Variants in ZNF420 observed in about 807,000 individuals in gnomAD.
ZNF420 encodes the protein zinc finger protein 420, also known as ATM and p53-associated KZNF protein.
A neutral mutation model predicts 44.7 loss-of-function variants in ZNF420; 31 were observed. The ratio of observed to expected loss-of-function variants is 0.69; its 90% confidence interval spans 0.52 to 0.94. The LOEUF (loss-of-function observed/expected upper bound fraction) is 0.94. Among genes scored for constraint, ZNF420 ranks in the 40% least tolerant of loss-of-function variants. ZNF420 has a pLI of 0.00. For synonymous variants in ZNF420, 245 were observed against 267.4 expected (o/e 0.92, Z 0.82); for missense variants, 681 against 827.9 (o/e 0.82, Z 2.18).
At chr19:37,080,797 C>CT (rs1468515214) in intron 2 of ZNF420, among the ~76,000 whole-genome samples, 1 of 151,940 alleles carries the variant, frequency 6.6e-6, no homozygotes, top group East Asian at 1.9e-4. Context: ...TGGCTCATGC[C>CT]TATAATCCCA....
At chr19:37,077,986 G>C (rs1968203599), upstream of ZNF420, 1 of 152,816 alleles carries the variant, frequency 6.5e-6, no homozygotes, top group Non-Finnish European at 1.5e-5. Flanking sequence ...AGTCCACCTG[G>C]CATCTCCCAT....
At chr19:37,043,447 G>T (rs7245453) in intron 1 of ZNF420, among the ~76,000 whole-genome samples, 76,384 of 152,050 alleles carry the variant, frequency 0.5, 19,818 homozygotes, top group African/African-American at 0.58. Context: ...CTAAATTCCT[G>T]TTAAACAGGT....
intron 1 of ZNF420, among the ~76,000 whole-genome samples, chr19:37,030,143 T>G (rs1055584431): frequency 3.3e-5 from 5 of 152,088 alleles, no homozygotes; most frequent in African/African-American, 4.8e-5. Context: ...ATCACTGTGG[T>G]TCTCTGTTTT....
At chr19:37,086,850 GCTT>G (rs1568446449) in intron 2 of ZNF420, among the ~76,000 whole-genome samples, 1 of 152,112 alleles carries the variant, frequency 6.6e-6, no homozygotes, top group Non-Finnish European at 1.5e-5. Flanking sequence ...TTTAAAATGT[GCTT>G]CTTGTAAAGA....
chr19:37,056,495 T>C (rs955673562), intron 1 of ZNF420, among the ~76,000 whole-genome samples: 3 of 152,194 alleles, frequency 2.0e-5, no homozygotes, highest in Admixed American at 6.5e-5. Context: ...CTGTCCCTGT[T>C]TGCACTTGTC....
intron 4 of ZNF420, among the ~76,000 whole-genome samples, chr19:37,121,609 G>A (rs1599721173): frequency 6.6e-6 from 1 of 152,152 alleles, no homozygotes; most frequent in Non-Finnish European, 1.5e-5. Context: ...GGCAACAAAA[G>A]CCAAAACTGA....
rs73041142 is a variant in ZNF420 at position 37,081,329 on chromosome 19, T to C, written c.-81+941T>C. Among the ~76,000 whole-genome samples the C allele has an allele frequency of 2.5e-3, 379 of 152,272 alleles. 4 individuals are homozygous for C. The highest frequency in any genetic ancestry group is 4.8e-3 in the Non-Finnish European group (326 of 68,016). On this transcript the variant is annotated intron_variant, in intron 2 of 4. Coordinates refer to ENST00000337995, the MANE Select transcript of ZNF420 (RefSeq NM_144689.5). ...TGACCCAGAATTTGATGCATCTTAGTAAATGTTCCATGTGCACTTGAAAAG... is the reference window on the plus strand; with the variant it reads ...TGACCCAGAATTTGATGCATCTTAGCAAATGTTCCATGTGCACTTGAAAAG...
At chr19:37,026,117 C>T (rs1472876264) in intron 1 of ZNF420, among the ~76,000 whole-genome samples, 5 of 151,598 alleles carry the variant, frequency 3.3e-5, no homozygotes, top group Admixed American at 6.6e-5. Context: ...AGTTCAAGAG[C>T]AGCCTGATCA....
In ZNF420 at chr19:37,129,641, A is replaced by G. The variant is rs773772707; in HGVS notation, c.*583A>G. 6 of 157,922 alleles carry G rather than the reference A, an allele frequency of 3.8e-5. No individual in the cohort carries two copies. Among genetic ancestry groups the G allele is most frequent in the Non-Finnish European group, 6.9e-5 (5 of 72,190 alleles). The allele number at this position is 157,922 out of a possible 1,614,324, so 9.8% of individuals were successfully genotyped here. ...TTGGTTGGGGGGCACTGTATGCCAT[A>G]ATGAATGTGAGAAAGCTGTCATTTA... On this transcript the variant is annotated 3_prime_UTR_variant, in exon 5 of 5. Transcript: ENST00000337995.
At chr19:37,110,980 G>A (rs541110472) in intron 4 of ZNF420, among the ~76,000 whole-genome samples, 3 of 152,184 alleles carry the variant, frequency 2.0e-5, no homozygotes, top group Admixed American at 1.3e-4. Context: ...TGTCTAACTT[G>A]TTCCTTGGTT....
At chr19:37,051,159 C>G (rs1369420161) in intron 1 of ZNF420, among the ~76,000 whole-genome samples, 1 of 152,188 alleles carries the variant, frequency 6.6e-6, no homozygotes, top group African/African-American at 2.4e-5. Flanking sequence ...CGATGTTCAT[C>G]AGGAATATTG....
intron 1 of ZNF420, among the ~76,000 whole-genome samples, chr19:37,060,631 A>G (rs1309380638): frequency 6.6e-6 from 1 of 151,830 alleles, no homozygotes; most frequent in African/African-American, 2.4e-5. Context: ...GGTAGGTTTG[A>G]TGATCCTGGA....
intron 1 of ZNF420, among the ~76,000 whole-genome samples, chr19:37,028,227 G>A (rs1967188818): frequency 6.6e-6 from 1 of 152,178 alleles, no homozygotes; most frequent in African/African-American, 2.4e-5. Context: ...ATATAGCAAA[G>A]GGCAGATACA....
chr19:37,023,259 A>G (rs1162313322), intron 1 of ZNF420, among the ~76,000 whole-genome samples: 2 of 152,262 alleles, frequency 1.3e-5, no homozygotes, highest in Non-Finnish European at 2.9e-5. Context: ...TTACATACAA[A>G]GTATAAAGAG....
chr19:37,047,113 C>T (rs1009344314), intron 1 of ZNF420, among the ~76,000 whole-genome samples: 1 of 152,092 alleles, frequency 6.6e-6, no homozygotes, highest in African/African-American at 2.4e-5. Flanking sequence ...TATGATTTAT[C>T]CAATTTTGTG....
intron 2 of ZNF420, among the ~76,000 whole-genome samples, chr19:37,082,692 C>T (rs191773251): frequency 3.3e-5 from 5 of 152,224 alleles, no homozygotes; most frequent in South Asian, 2.1e-4. Flanking sequence ...AACATAAAGT[C>T]CTGTTGGAGT....
At chr19:37,029,333 A>T (rs1967209496) in intron 1 of ZNF420, among the ~76,000 whole-genome samples, 1 of 152,210 alleles carries the variant, frequency 6.6e-6, no homozygotes, top group African/African-American at 2.4e-5. Context: ...TGGGAAATGC[A>T]AAGTCCTAAT....
At chr19:37,090,654 G>T (rs1969080608) in intron 3 of ZNF420, among the ~76,000 whole-genome samples, 1 of 152,022 alleles carries the variant, frequency 6.6e-6, no homozygotes, top group Non-Finnish European at 1.5e-5. Flanking sequence ...GGGCACAGTG[G>T]CTCACACCTG....
At chr19:37,022,460 C>T (rs903500486) in intron 1 of ZNF420, among the ~76,000 whole-genome samples, 1 of 151,848 alleles carries the variant, frequency 6.6e-6, no homozygotes, top group Non-Finnish European at 1.5e-5. Context: ...CGAATGAGAC[C>T]CTCTCATGGT....
Sources: allele counts gnomAD v4.1 joint callset (sites outside exome capture counted in the v4.1 genomes callset), GRCh38; gene constraint gnomAD v4.1.1; transcripts MANE v1.5; gene names NCBI Gene and HGNC (gene_info 2026-07-23, HGNC 2026-07-21).